The following TATDN1 variants were observed in gnomAD, a reference collection of about 807,000 sequenced individuals.
TATDN1 encodes the protein deoxyribonuclease TATDN1.
TATDN1 carries 40 observed loss-of-function variants against 46.4 expected under a neutral mutation model. The observed-to-expected ratio is 0.86, with a 90% confidence interval of 0.67 to 1.12. The LOEUF (loss-of-function observed/expected upper bound fraction) is 1.12, where lower values mean the gene tolerates loss of function less well. Ranked by LOEUF, TATDN1 falls within the 50% of genes most tolerant of loss-of-function variation. The pLI is 0.00. For synonymous variants in TATDN1, 95 were observed against 105.6 expected (o/e 0.90, Z 0.62); for missense variants, 326 against 348.4 (o/e 0.94, Z 0.51).
chr8:124,497,891 AT>A (rs555090231), intron 9 of TATDN1, among the ~76,000 whole-genome samples: 285 of 152,334 alleles, frequency 1.9e-3, no homozygotes, highest in African/African-American at 6.2e-3. Context: ...TATAAAAAAA[AT>A]ATGTATCTTT....
intron 3 of TATDN1, among the ~76,000 whole-genome samples, chr8:124,520,813 G>A (rs1387002044): frequency 6.6e-6 from 1 of 151,638 alleles, no homozygotes; most frequent in Non-Finnish European, 1.5e-5. Flanking sequence ...TGTGGTGGCG[G>A]GCGCCTGTAG....
intron 4 of TATDN1, among the ~76,000 whole-genome samples, chr8:124,517,211 C>G (rs191073228): frequency 1.3e-5 from 2 of 152,248 alleles, no homozygotes; most frequent in Non-Finnish European, 2.9e-5. Context: ...GGGCAGATCA[C>G]GAGGTCAGGA....
chr8:124,508,223 T>A (rs1818680821), intron 8 of TATDN1, among the ~76,000 whole-genome samples: 2 of 152,208 alleles, frequency 1.3e-5, no homozygotes, highest in South Asian at 4.1e-4. Context: ...GGGAAGGGAC[T>A]CAAGTCTAAA....
At chr8:124,527,196 A>C (rs1376114712) in intron 1 of TATDN1, among the ~76,000 whole-genome samples, 1 of 152,256 alleles carries the variant, frequency 6.6e-6, no homozygotes, top group African/African-American at 2.4e-5. Flanking sequence ...ATGTATATTC[A>C]TGAAAGGTGG....
intron 1 of TATDN1, among the ~76,000 whole-genome samples, chr8:124,530,853 T>C (rs1038811894): frequency 6.6e-6 from 1 of 152,352 alleles, no homozygotes. Context: ...TTATGTTGAC[T>C]ATTGCCTTTT....
intron 9 of TATDN1, among the ~76,000 whole-genome samples, chr8:124,497,279 TTTCTTC>T (rs200877541): frequency 2.7e-5 from 4 of 148,576 alleles, no homozygotes; most frequent in East Asian, 1.9e-4. Flanking sequence ...TATTTCCTTC[TTTCTTC>T]TTCTTTTTTT....
At chr8:124,519,441 G>A (rs890692901) in intron 3 of TATDN1, among the ~76,000 whole-genome samples, 2 of 152,124 alleles carry the variant, frequency 1.3e-5, no homozygotes, top group African/African-American at 4.8e-5. Context: ...CAGGCTTCTA[G>A]TAACACAGTC....
chr8:124,529,866 T>C (rs1586674781), intron 1 of TATDN1, among the ~76,000 whole-genome samples: 1 of 151,778 alleles, frequency 6.6e-6, no homozygotes, highest in African/African-American at 2.4e-5. Flanking sequence ...CCAAGGCAGG[T>C]GGATTACTTG....
At chr8:124,500,753 T>TAA (rs34661601) in intron 9 of TATDN1, among the ~76,000 whole-genome samples, 10,073 of 140,262 alleles carry the variant, frequency 0.072, 559 homozygotes, top group South Asian at 0.29. Context: ...CCCCTTCTCT[T>TAA]AAAAAAAAAA....
At chr8:124,516,476 ATT>A (rs536653635) in intron 4 of TATDN1, among the ~76,000 whole-genome samples, 1 of 144,520 alleles carries the variant, frequency 6.9e-6, no homozygotes, top group Non-Finnish European at 1.5e-5. Context: ...CTAATTTTTA[ATT>A]TTTTTTTTTT....
chr8:124,488,845 T>C lies in TATDN1; in HGVS notation c.792-149A>G, dbSNP rs547202544. ...TTATTAAGTTTTTCAGCAATATCAA[T>C]AGAAAAACTTACTGCCAGTAACTGG... On this transcript the variant is annotated intron_variant, in intron 11 of 11. Coordinates refer to ENST00000276692, the MANE Select transcript of TATDN1 (RefSeq NM_032026.4). The C allele has an allele frequency of 5.9e-5, 36 of 608,480 alleles. No individual in the cohort carries two copies. In the South Asian group the frequency reaches 7.1e-4, roughly 12 times the overall value. The allele number at this position is 608,480 out of a possible 1,614,324, so 37.7% of individuals were successfully genotyped here.
chr8:124,519,781 T>G (rs920706799), intron 3 of TATDN1, among the ~76,000 whole-genome samples: 1 of 152,222 alleles, frequency 6.6e-6, no homozygotes, highest in Non-Finnish European at 1.5e-5. Flanking sequence ...TACTTCTGCA[T>G]AGACCCATTA....
chr8:124,519,195 A>G (rs1439780045), intron 3 of TATDN1, among the ~76,000 whole-genome samples: 1 of 152,240 alleles, frequency 6.6e-6, no homozygotes, highest in Non-Finnish European at 1.5e-5. Flanking sequence ...GGTGTTATGA[A>G]AGCGTGAATA....
chr8:124,530,383 T>C (rs1172895348), intron 1 of TATDN1, among the ~76,000 whole-genome samples: 2 of 152,188 alleles, frequency 1.3e-5, no homozygotes, highest in East Asian at 3.9e-4. Flanking sequence ...TTCCTTCTAC[T>C]AGCAACATGT....
At chr8:124,504,423 G>A in intron 8 of TATDN1, 76 bp from the exon 9 acceptor site, 1 of 1,031,866 alleles carries the variant, frequency 9.7e-7, no homozygotes, top group East Asian at 2.9e-5. Flanking sequence ...ATAAGACTTT[G>A]TAGGCAAAAA....
intron 9 of TATDN1, among the ~76,000 whole-genome samples, chr8:124,501,148 A>G (rs2131381284): frequency 6.6e-6 from 1 of 152,326 alleles, no homozygotes; most frequent in South Asian, 2.1e-4. Flanking sequence ...CACAGGCCTG[A>G]GCATGGAGAC....
At chr8:124,538,258 G>C (rs1821658226) in intron 1 of TATDN1, 1 of 152,300 alleles carries the variant, frequency 6.6e-6, no homozygotes, top group Admixed American at 6.5e-5. Flanking sequence ...CATTACCCTA[G>C]TTTAAGCTCT....
At chr8:124,534,986 T>C (rs1018840898) in intron 1 of TATDN1, among the ~76,000 whole-genome samples, 3 of 152,208 alleles carry the variant, frequency 2.0e-5, no homozygotes, top group African/African-American at 7.2e-5. Context: ...GTATGGGTTT[T>C]TATAGAGGCT....
At chr8:124,497,389 G>T (rs891742831) in intron 9 of TATDN1, among the ~76,000 whole-genome samples, 5 of 151,290 alleles carry the variant, frequency 3.3e-5, no homozygotes, top group Non-Finnish European at 5.9e-5. Flanking sequence ...AGGTTCAAGC[G>T]ATTCTCCTGC....
Sources: allele counts gnomAD v4.1 joint callset (sites outside exome capture counted in the v4.1 genomes callset), GRCh38; gene constraint gnomAD v4.1.1; transcripts MANE v1.5; gene names NCBI Gene and HGNC (gene_info 2026-07-23, HGNC 2026-07-21).